PRSS12: variants seen among roughly 807,000 people sequenced by gnomAD.
PRSS12 encodes serine protease 12.
In PRSS12, 85 loss-of-function variants were observed where a neutral mutation model predicts 104.4. The ratio of observed to expected loss-of-function variants is 0.81; its 90% confidence interval spans 0.68 to 0.98. The LOEUF (loss-of-function observed/expected upper bound fraction) is 0.98, where lower values mean the gene tolerates loss of function less well. Ranked by LOEUF, PRSS12 falls within the 50% of genes least tolerant of loss-of-function variation. PRSS12 has a pLI of 0.00. For missense variants in PRSS12, 1,141 were observed against 1,139.2 expected (o/e 1.00, Z -0.02); for synonymous variants, 454 against 425.2 (o/e 1.07, Z -0.83).
At chr4:118,310,020 C>A (rs1743665465) in intron 7 of PRSS12, among the ~76,000 whole-genome samples, 1 of 152,150 alleles carries the variant, frequency 6.6e-6, no homozygotes, top group Non-Finnish European at 1.5e-5. Flanking sequence ...TCAAACTCAA[C>A]AAATGTTTAT....
Position 118,282,028 on chromosome 4 carries a change from A to C in PRSS12, c.2536T>G (p.Trp846Gly). ...ESWVVYGVTS[W>G]GYGCGVKDSP... ...TCCTTGACTCCACAGCCATACCCCC[A>C]GGAGGTCACCCCATACACCACCCAG... The change falls in exon 13 of 13, where the codon TGG becomes GGG. Residue 846 changes from tryptophan to glycine, a missense_variant. Physicochemically the swap from Trp to Gly is radical, Grantham distance 184 (BLOSUM62 -2). Transcript: ENST00000296498. 2 of 1,613,082 alleles carry C rather than the reference A, an allele frequency of 1.2e-6. No individual in the cohort carries two copies. The highest frequency in any genetic ancestry group is 1.7e-6 in the Non-Finnish European group (2 of 1,179,052).
chr4:118,320,352 G>A (rs1338875140), intron 4 of PRSS12, among the ~76,000 whole-genome samples: 5 of 152,086 alleles, frequency 3.3e-5, no homozygotes, highest in African/African-American at 1.2e-4. Flanking sequence ...CAATTTTGCG[G>A]CTAAAAAGGA....
chr4:118,345,767 C>T (rs935859384), intron 1 of PRSS12, among the ~76,000 whole-genome samples: 1 of 152,130 alleles, frequency 6.6e-6, no homozygotes. Flanking sequence ...CATTTTACAG[C>T]ACTTTATAAA....
At chr4:118,323,609 A>C (rs1252584321) in intron 4 of PRSS12, among the ~76,000 whole-genome samples, 2 of 151,910 alleles carry the variant, frequency 1.3e-5, no homozygotes, top group Non-Finnish European at 2.9e-5. Context: ...CCTTGGATGT[A>C]AGAGAGAATT....
At chr4:118,293,510 T>C (rs1743176898) in intron 11 of PRSS12, among the ~76,000 whole-genome samples, 2 of 152,104 alleles carry the variant, frequency 1.3e-5, no homozygotes, top group African/African-American at 2.4e-5. Context: ...AGGTCCAGAC[T>C]AGGAAAAAGT....
At chr4:118,304,415 T>G (rs1743484776) in intron 8 of PRSS12, among the ~76,000 whole-genome samples, 1 of 152,038 alleles carries the variant, frequency 6.6e-6, no homozygotes, top group African/African-American at 2.4e-5. Flanking sequence ...AACTGTTTTA[T>G]ATTCAAATGT....
In PRSS12 at chr4:118,300,412, T is replaced by C. The variant is rs56979567; in HGVS notation, c.1632-1474A>G. On this transcript the variant is annotated intron_variant, in intron 8 of 12. Transcript: ENST00000296498. ...TAATTTTTTGTTTAATAACACATTT[T>C]AAAGTATGCAAATACAAAAATATTT... Among the ~76,000 whole-genome samples, 1,143 of 152,294 alleles carry C rather than the reference T, an allele frequency of 7.5e-3. 61 individuals are homozygous for C. The East Asian group carries it at 0.13, about 17-fold the overall frequency.
At chr4:118,316,371 A>G in intron 5 of PRSS12, 48 bp from the exon 6 acceptor site, 1 of 1,611,220 alleles carries the variant, frequency 6.2e-7, no homozygotes, top group Non-Finnish European at 8.5e-7. Flanking sequence ...ACTTTCAAAA[A>G]AAGGCAAAAC....
chr4:118,282,161 C>T lies in PRSS12; in HGVS notation c.2403G>A (p.Arg801=). 1.3e-5 allele frequency: 21 copies of T among 1,614,204 alleles called. No homozygotes were observed. Among genetic ancestry groups the T allele is most frequent in the Non-Finnish European group, 1.8e-5 (21 of 1,180,036 alleles). The change falls in exon 13 of 13, where the codon CGG becomes CGA. Residue 801 remains arginine, a synonymous_variant. Coordinates refer to ENST00000296498, the MANE Select transcript of PRSS12 (RefSeq NM_003619.4). ...KRFCEERYKG[R]FTGRMLCAGN... ...CAGCACAAAGCATTCTCCCTGTAAA[C>T]CGACCCTTATAACGTTCTTCACAAA...
intron 4 of PRSS12, among the ~76,000 whole-genome samples, chr4:118,327,161 A>AT (rs561197841): frequency 2.5e-4 from 37 of 149,386 alleles, no homozygotes; most frequent in Non-Finnish European, 4.6e-4. Flanking sequence ...AAGAAAAAAA[A>AT]TTTTTTTTTT....
At chr4:118,349,960 A>C (rs1405514176) in intron 1 of PRSS12, among the ~76,000 whole-genome samples, 1 of 152,068 alleles carries the variant, frequency 6.6e-6, no homozygotes, top group East Asian at 1.9e-4. Context: ...CTGAGATTGC[A>C]CCACTGCACT....
chr4:118,320,326 G>A (rs1391543073), intron 4 of PRSS12, among the ~76,000 whole-genome samples: 2 of 151,998 alleles, frequency 1.3e-5, no homozygotes, highest in African/African-American at 2.4e-5. Flanking sequence ...CCCACTAATG[G>A]TAAAGTCTTA....
At chr4:118,299,034 A>G in intron 8 of PRSS12, 96 bp from the exon 9 acceptor site, 1 of 1,371,156 alleles carries the variant, frequency 7.3e-7, no homozygotes, top group Non-Finnish European at 1.0e-6. Context: ...TAATTTTTAC[A>G]TATTAAAATT....
intron 8 of PRSS12, among the ~76,000 whole-genome samples, chr4:118,301,079 T>G (rs1578909528): frequency 6.6e-6 from 1 of 152,242 alleles, no homozygotes; most frequent in East Asian, 1.9e-4. Context: ...TTTTTAAATT[T>G]TATGTATTTA....
At chr4:118,285,690 T>C (rs1339380105) in intron 11 of PRSS12, among the ~76,000 whole-genome samples, 1 of 152,192 alleles carries the variant, frequency 6.6e-6, no homozygotes, top group Non-Finnish European at 1.5e-5. Context: ...ATTGTCCCTA[T>C]AGATAATAAG....
At chr4:118,285,176 G>A (rs1269299403) in intron 11 of PRSS12, among the ~76,000 whole-genome samples, 1 of 152,138 alleles carries the variant, frequency 6.6e-6, no homozygotes, top group African/African-American at 2.4e-5. Flanking sequence ...GTGATTTCTT[G>A]AGACTCAATC....
chr4:118,294,126 C>T (rs1401422558), intron 11 of PRSS12, among the ~76,000 whole-genome samples: 2 of 152,156 alleles, frequency 1.3e-5, no homozygotes, highest in Admixed American at 1.3e-4. Context: ...AAAATTTCTG[C>T]TTGCAAAAAT....
chr4:118,335,469 T>C lies in PRSS12; in HGVS notation c.820+4A>G. 1 of 1,613,850 alleles carries C rather than the reference T, an allele frequency of 6.2e-7. No individual in the cohort carries two copies. Among genetic ancestry groups the C allele is most frequent in the Non-Finnish European group, 8.5e-7 (1 of 1,179,870 alleles). ...AAACAACAGAACTTTTTTCTTTTTT[T>C]TACCATGGGAAAAGCTACACGTGAC... On this transcript the variant is annotated splice_donor_region_variant and intron_variant, in intron 3 of 12. Transcript: ENST00000296498.
chr4:118,352,069 C>G, intron 1 of PRSS12, 150 bp downstream of exon 1: 1 of 1,164,492 alleles, frequency 8.6e-7, no homozygotes, highest in Non-Finnish European at 1.2e-6. Flanking sequence ...TTACTGGTAA[C>G]CCAGCTGCAG....
Sources: gnomAD v4.1 joint callset for allele counts (sites outside exome capture counted in the v4.1 genomes callset) on GRCh38, gnomAD v4.1.1 for gene constraint, MANE v1.5 for transcripts, NCBI Gene and HGNC (gene_info 2026-07-23, HGNC 2026-07-21) for gene names.